Variants in LARGE1 observed in about 807,000 individuals in gnomAD.
LARGE1 encodes the protein LARGE xylosyl- and glucuronyltransferase 1.
A neutral mutation model predicts 87.6 loss-of-function variants in LARGE1; 43 were observed. The observed-to-expected ratio is 0.49, with a 90% CI of 0.38 to 0.63. The LOEUF (loss-of-function observed/expected upper bound fraction) is 0.63. LARGE1 is among the 30% of genes least tolerant of loss of function. The probability of loss-of-function intolerance (pLI) is 0.00; values close to 1 mark genes in which losing one functional copy is unlikely to be tolerated. For missense variants in LARGE1, 802 were observed against 1,000.2 expected, an observed-to-expected ratio of 0.80 and a Z score of 2.67; for synonymous variants, 434 against 394.6, an observed-to-expected ratio of 1.10 and a Z score of -1.18.
At chr22:33,306,278 C>T (rs930885783) in intron 11 of LARGE1, among the ~76,000 whole-genome samples, 1 of 152,186 alleles carries the variant, frequency 6.6e-6, no homozygotes, top group Non-Finnish European at 1.5e-5. Context: ...GCCTCCTGCA[C>T]CTGTTTTACC....
intron 10 of LARGE1, among the ~76,000 whole-genome samples, chr22:33,336,577 C>A (rs908223563): frequency 3.9e-5 from 6 of 152,144 alleles, no homozygotes; most frequent in African/African-American, 1.4e-4. Context: ...TGAGATCACA[C>A]AGGTAGTAAC....
intron 1 of LARGE1, among the ~76,000 whole-genome samples, chr22:33,815,156 T>C (rs1001230431): frequency 6.6e-6 from 1 of 152,178 alleles, no homozygotes; most frequent in African/African-American, 2.4e-5. Flanking sequence ...AAACTGGTTC[T>C]TCTCACTTTT....
chr22:33,507,881 C>G (rs555575004), intron 6 of LARGE1, among the ~76,000 whole-genome samples: 2 of 152,326 alleles, frequency 1.3e-5, no homozygotes, highest in South Asian at 4.1e-4. Flanking sequence ...AGGATTCACA[C>G]TTTACAAACA....
chr22:33,543,571 AG>A (rs2077272100), intron 6 of LARGE1, among the ~76,000 whole-genome samples: 1 of 152,224 alleles, frequency 6.6e-6, no homozygotes, highest in African/African-American at 2.4e-5. Flanking sequence ...AAAAGAAGTC[AG>A]AAGAAAACAT....
At chr22:33,792,429 C>T (rs2085852775) in intron 1 of LARGE1, among the ~76,000 whole-genome samples, 1 of 152,168 alleles carries the variant, frequency 6.6e-6, no homozygotes, top group Admixed American at 6.5e-5. Flanking sequence ...TTTCCTGAGG[C>T]CTCCCCAGTG....
At chr22:33,154,816 C>T in the LARGE1 span, among the ~76,000 whole-genome samples, 2 of 152,140 alleles carry the variant, frequency 1.3e-5, no homozygotes, top group African/African-American at 4.8e-5. Flanking sequence ...AAAATCTCAT[C>T]TTGAATTGTA....
intron 6 of LARGE1, among the ~76,000 whole-genome samples, chr22:33,543,762 C>A (rs950965800): frequency 1.2e-4 from 18 of 152,224 alleles, no homozygotes. Flanking sequence ...GCTCTCAGAT[C>A]TGTTTGCCCT....
Position 33,179,764 on chromosome 22 carries a change from G to C in LARGE1, c.1731-12932C>G, listed in dbSNP as rs530597639. ...CCAGCAGACTCCTTATTATGGAAAGGGTGGGCAGGTTCAAAGGGTTTTTCA... is the reference window on the plus strand; with the variant it reads ...CCAGCAGACTCCTTATTATGGAAAGCGTGGGCAGGTTCAAAGGGTTTTTCA... On this transcript the variant is annotated intron_variant, in intron 11 of 11. Coordinates refer to the LARGE1 transcript ENST00000608642. Among the ~76,000 whole-genome samples the C allele has an allele frequency of 2.3e-3, 349 of 152,182 alleles. 2 individuals carry two copies. The highest frequency in any genetic ancestry group is 1.0e-3 in the Non-Finnish European group (70 of 68,020).
At chr22:33,341,281 A>G (rs1939117502) in intron 9 of LARGE1, among the ~76,000 whole-genome samples, 2 of 152,036 alleles carry the variant, frequency 1.3e-5, no homozygotes, top group Non-Finnish European at 2.9e-5. Flanking sequence ...ACCAGACACC[A>G]AATCTGCCAG....
chr22:33,304,248 C>T lies in LARGE1; in HGVS notation c.1711G>A (p.Gly571Arg), dbSNP rs1239704038. 2 of 1,614,254 alleles carry T rather than the reference C, an allele frequency of 1.2e-6. No homozygotes were observed. Among genetic ancestry groups the T allele is most frequent in the Non-Finnish European group, 1.7e-6 (2 of 1,180,054 alleles). Residue 571 changes from glycine (G) to arginine (R), a missense_variant, in exon 12 of 15, where the codon GGG becomes AGG. Physicochemically the swap from Gly to Arg is moderately radical, Grantham distance 125 (BLOSUM62 -2). This residue lies in a region of LARGE1 where 625 missense variants were observed against 841.9 expected (regional missense o/e 0.74). Coordinates refer to ENST00000397394, the MANE Select transcript of LARGE1 (RefSeq NM_133642.5). ...LSDIDFLPMY[G>R]LYEYLRKSVI... ...CCTTACCTGAGGTACTCATAGAGCCCATACATGGGCAGGAAGTCAATGTCA... is the reference window on the plus strand; with the variant it reads ...CCTTACCTGAGGTACTCATAGAGCCTATACATGGGCAGGAAGTCAATGTCA...
At chr22:33,408,481 T>C (rs1026397330) in intron 7 of LARGE1, among the ~76,000 whole-genome samples, 21 of 152,184 alleles carry the variant, frequency 1.4e-4, no homozygotes, top group Admixed American at 5.2e-4. Flanking sequence ...TGTTTCATTA[T>C]CAGGCATATA....
intron 11 of LARGE1, among the ~76,000 whole-genome samples, chr22:33,304,996 G>A (rs116474931): frequency 0.023 from 3,504 of 152,270 alleles, 45 homozygotes; most frequent in African/African-American, 0.04. Context: ...GTGCTGCAGT[G>A]TGCCAGGAGC....
chr22:33,472,615 G>T (rs557324579), intron 6 of LARGE1, among the ~76,000 whole-genome samples: 42 of 152,266 alleles, frequency 2.8e-4, no homozygotes, highest in African/African-American at 1.0e-3. Context: ...ATAGTCCCTT[G>T]CCTCTCATGA....
the LARGE1 span, among the ~76,000 whole-genome samples, chr22:33,141,264 A>C: frequency 6.6e-6 from 1 of 152,012 alleles, no homozygotes; most frequent in Non-Finnish European, 1.5e-5. Context: ...TATATGACAA[A>C]AAAGAATAGC....
At chr22:33,183,984 AAG>A (rs1923333052) in intron 11 of LARGE1, among the ~76,000 whole-genome samples, 1 of 151,136 alleles carries the variant, frequency 6.6e-6, no homozygotes, top group East Asian at 1.9e-4. Context: ...AAAATTTGAT[AAG>A]AGAGCAGATT....
intron 1 of LARGE1, among the ~76,000 whole-genome samples, chr22:33,807,625 T>C (rs2086353681): frequency 6.6e-6 from 1 of 152,184 alleles, no homozygotes; most frequent in African/African-American, 2.4e-5. Flanking sequence ...TACAGAGTAG[T>C]TTTACTGCGC....
At chr22:33,561,919 A>C (rs888410959) in intron 6 of LARGE1, among the ~76,000 whole-genome samples, 1 of 152,210 alleles carries the variant, frequency 6.6e-6, no homozygotes, top group Admixed American at 6.5e-5. Flanking sequence ...TTTAGGAACA[A>C]GGGGCTTTCA....
intron 1 of LARGE1, among the ~76,000 whole-genome samples, chr22:33,846,518 A>AT (rs1309413824): frequency 6.6e-6 from 1 of 152,206 alleles, no homozygotes; most frequent in Admixed American, 6.5e-5. Context: ...AAAGAACAGG[A>AT]TAACAGCAAT....
At chr22:33,485,929 T>A (rs1398151244) in intron 6 of LARGE1, among the ~76,000 whole-genome samples, 4 of 152,196 alleles carry the variant, frequency 2.6e-5, no homozygotes, top group Non-Finnish European at 5.9e-5. Context: ...GTCTGTTTTG[T>A]TTGCTGCTAC....
Sources: allele counts gnomAD v4.1 joint callset (sites outside exome capture counted in the v4.1 genomes callset), GRCh38; gene constraint gnomAD v4.1.1; regional missense constraint gnomAD v4.1.1; transcripts MANE v1.5; gene names NCBI Gene and HGNC (gene_info 2026-07-23, HGNC 2026-07-21).